Variants in NOTCH1 observed in about 807,000 individuals in gnomAD.
NOTCH1 encodes neurogenic locus notch homolog protein 1.
NOTCH1 carries 37 observed loss-of-function variants against 254.8 expected under a neutral mutation model. That is an observed-to-expected ratio of 0.15 (90% CI 0.11 to 0.19). NOTCH1 has a LOEUF of 0.19. NOTCH1 is among the 10% of genes least tolerant of loss of function. NOTCH1 has a pLI of 1.00. For missense variants in NOTCH1, 2,972 were observed against 3,708.6 expected (o/e 0.80, Z 5.16); for synonymous variants, 1,731 against 1,618.1 (o/e 1.07, Z -1.68).
At chr9:136,505,262 C>T (rs1371652503) in intron 25 of NOTCH1, 48 bp downstream of exon 25, 1 of 1,544,202 alleles carries the variant, frequency 6.5e-7, no homozygotes, top group East Asian at 2.4e-5. Context: ...AGCCAGGCCA[C>T]ATCCAAGTTC....
chr9:136,513,076 G>A lies in NOTCH1; in HGVS notation c.2412C>T (p.Gly804=), dbSNP rs1238828540. 1.2e-6 allele frequency: 2 copies of A among 1,612,210 alleles called. No individual in the cohort carries two copies. The highest frequency in any genetic ancestry group is 1.1e-5 in the South Asian group (1 of 91,064). Residue 804 remains glycine (G), a synonymous_variant, in exon 15 of 34, where the codon GGC becomes GGT. Transcript: ENST00000651671. This position sits in a 1 kb window ranked among gnomAD's most constrained non-coding sequence, Gnocchi z 4.7. The part of the protein sequence containing the change: ...ECASNPCLNQ[G]TCIDDVAGYK... ...ACCCGGCAACGTCGTCAATACACGT[G>A]CCCTGGTTCAGACATGGGTTGGACG...
intron 2 of NOTCH1, among the ~76,000 whole-genome samples, chr9:136,539,944 G>A (rs1843707818): frequency 6.6e-6 from 1 of 152,222 alleles, no homozygotes; most frequent in Non-Finnish European, 1.5e-5. Context: ...CAGTCCGCTT[G>A]TAGTCGGGAA....
chr9:136,533,592 A>G (rs1283747122), intron 2 of NOTCH1, among the ~76,000 whole-genome samples: 1 of 152,192 alleles, frequency 6.6e-6, no homozygotes, highest in African/African-American at 2.4e-5. Context: ...TGCCACGGCC[A>G]CAGCAGCCTC....
chr9:136,518,208 T>C lies in NOTCH1; in HGVS notation c.1184A>G (p.Lys395Arg). ...SNCDTNPVNG[K>R]AICTCPSGYT... ...CCCCGAGGGGCAGGTGCAGATGGCC[T>C]TGCCATTGACAGGGTTGGTGTCGCA... Residue 395 changes from lysine to arginine, a missense_variant, in exon 7 of 34, where the codon AAG becomes AGG. By Grantham distance (26) the Lys-to-Arg change is conservative (BLOSUM62 2). Around this residue, in one of 8 missense-constraint regions of NOTCH1, gnomAD observed 90 missense variants for 183.6 expected, o/e 0.49. Coordinates refer to ENST00000651671, the MANE Select transcript of NOTCH1 (RefSeq NM_017617.5). 6.2e-7 allele frequency: 1 copy of C among 1,608,116 alleles called. No homozygotes were observed. Among genetic ancestry groups the C allele is most frequent in the Non-Finnish European group, 8.5e-7 (1 of 1,177,940 alleles).
intron 2 of NOTCH1, among the ~76,000 whole-genome samples, chr9:136,526,862 G>A (rs1279820496): frequency 6.6e-6 from 1 of 152,212 alleles, no homozygotes; most frequent in Non-Finnish European, 1.5e-5. Context: ...GGCGGCAGCT[G>A]CTCCCAGCGG....
At chr9:136,543,778 G>A (rs930847096) in intron 2 of NOTCH1, 25 of 607,346 alleles carry the variant, frequency 4.1e-5, no homozygotes, top group South Asian at 2.1e-4. Context: ...TAGTGACCCC[G>A]GAGCCTGAGG....
In NOTCH1 at chr9:136,494,599, A is replaced by G. The variant is rs1439038587; in HGVS notation, c.*1472T>C. Reference sequence around the variant, plus strand: ...AGTAAAAATCAACATCTTGGGACGCATCTGGTCATGCCCCCTGGGGATGGC... The same window carrying G: ...AGTAAAAATCAACATCTTGGGACGCGTCTGGTCATGCCCCCTGGGGATGGC... On this transcript the variant is annotated 3_prime_UTR_variant, in exon 34 of 34. Coordinates refer to ENST00000651671, the MANE Select transcript of NOTCH1 (RefSeq NM_017617.5). 2.5e-6 allele frequency: 1 copy of G among 398,880 alleles called. No homozygotes were observed. The highest frequency in any genetic ancestry group is 4.4e-6 in the Non-Finnish European group (1 of 226,084). 24.7% of individuals were successfully genotyped at this position (398,880 alleles called of 1,614,324 possible).
chr9:136,528,399 GGA>G (rs1843504187), intron 2 of NOTCH1, among the ~76,000 whole-genome samples: 2 of 16,028 alleles, frequency 1.2e-4, no homozygotes, highest in East Asian at 5.9e-3. Context: ...CAGTGGGGGG[GGA>G]TGGGCAGGGA....
chr9:136,516,963 T>G (rs879689599), intron 9 of NOTCH1, among the ~76,000 whole-genome samples: 2 of 107,044 alleles, frequency 1.9e-5, no homozygotes, highest in Non-Finnish European at 4.0e-5. Flanking sequence ...GGACACAACC[T>G]ACGGCCAGGC....
At chr9:136,498,071 C>A (rs528766722) in intron 33 of NOTCH1, among the ~76,000 whole-genome samples, 1 of 152,288 alleles carries the variant, frequency 6.6e-6, no homozygotes, top group South Asian at 2.1e-4. Context: ...TGGGAAGGGG[C>A]TTCCCAGGCC....
chr9:136,529,677 C>G (rs1297468555), intron 2 of NOTCH1, among the ~76,000 whole-genome samples: 1 of 152,242 alleles, frequency 6.6e-6, no homozygotes, highest in East Asian at 1.9e-4. Context: ...AACCCCTGTT[C>G]AAACAGCTGG....
rs2133333048 is a variant in NOTCH1, at chr9:136,503,168, G to A, written c.5167+14C>T. The A allele has an allele frequency of 6.2e-7, 1 of 1,612,626 alleles. No individual in the cohort carries two copies. Among genetic ancestry groups the A allele is most frequent in the South Asian group, 1.1e-5 (1 of 91,080 alleles). ...TGCAGGCAGAGCCTGTTCCCGGGAT[G>A]GGGCCACACTTACTCTGCACGGCCT... On this transcript the variant is annotated intron_variant, in intron 27 of 33. Transcript: ENST00000651671.
At position 136,513,736 on chromosome 9, in the gene NOTCH1, G is replaced by T. The variant is rs959999405; in HGVS notation, c.2208-199C>A. On this transcript the variant is annotated intron_variant, in intron 13 of 33. Transcript: ENST00000651671. This position sits in a 1 kb window ranked among gnomAD's most constrained non-coding sequence, Gnocchi z 4.7. ...CACTTTGGGAGGCGGGGGTGGCTGAGTCACTTGAGGCCAGGAGTTCAAGAT... is the reference window on the plus strand; with the variant it reads ...CACTTTGGGAGGCGGGGGTGGCTGATTCACTTGAGGCCAGGAGTTCAAGAT... Among the ~76,000 whole-genome samples, 3 of 152,184 alleles carry T rather than the reference G, an allele frequency of 2.0e-5. No homozygotes were observed. The highest frequency in any genetic ancestry group is 4.4e-5 in the Non-Finnish European group (3 of 68,038).
intron 2 of NOTCH1, among the ~76,000 whole-genome samples, chr9:136,532,979 C>T (rs1439760815): frequency 6.6e-6 from 1 of 152,234 alleles, no homozygotes; most frequent in African/African-American, 2.4e-5. Context: ...GGGCTGCCGA[C>T]AGCCCAGCCA....
intron 31 of NOTCH1, among the ~76,000 whole-genome samples, chr9:136,500,338 G>A (rs545198189): frequency 6.8e-4 from 104 of 152,330 alleles, no homozygotes; most frequent in African/African-American, 2.4e-3. Flanking sequence ...TGCCAGACCC[G>A]CCTCTGCCTG....
intron 27 of NOTCH1, 115 bp from the exon 28 acceptor site, chr9:136,502,603 C>A (rs1843016703): frequency 1.6e-6 from 1 of 606,232 alleles, no homozygotes; most frequent in Non-Finnish European, 2.8e-6. Context: ...CTCACCCACT[C>A]TCCTCCATCC....
In NOTCH1 at chr9:136,545,648, T is replaced by G. The variant is rs1376970172; in HGVS notation, c.61+78A>C. 5.9e-6 allele frequency: 7 copies of G among 1,182,666 alleles called. No homozygotes were observed. The highest frequency in any genetic ancestry group is 7.9e-6 in the Non-Finnish European group (7 of 884,268). 73.3% of individuals were successfully genotyped at this position (1,182,666 alleles called of 1,614,324 possible). A position where few individuals can be genotyped will look rare whatever the true frequency, so the allele number is the denominator to read the frequency against. ...CCTCCCCGCCGCCCGCTCCCAGCCG[T>G]GGGGCGCGCGCGCCGGGCGCCGCCA... On this transcript the variant is annotated intron_variant, in intron 1 of 33. Coordinates refer to ENST00000651671, the MANE Select transcript of NOTCH1 (RefSeq NM_017617.5). This position sits in a 1 kb window ranked among gnomAD's most constrained non-coding sequence, Gnocchi z 6.8.
rs563810916 is a variant in NOTCH1, at chr9:136,543,961, G to C, written c.140+63C>G. ...TGGCCTAGTGTTCTGTCCCCTGCGCGGCTGCAGAAGGCAGGGGCTCTGCCC... is the reference window on the plus strand; with the variant it reads ...TGGCCTAGTGTTCTGTCCCCTGCGCCGCTGCAGAAGGCAGGGGCTCTGCCC... On this transcript the variant is annotated intron_variant, in intron 2 of 33. Coordinates refer to ENST00000651671, the MANE Select transcript of NOTCH1 (RefSeq NM_017617.5). The C allele has an allele frequency of 4.0e-5, 57 of 1,433,182 alleles. 2 individuals are homozygous for C. The South Asian group carries it at 6.0e-4, about 15-fold the overall frequency. 88.8% of individuals were successfully genotyped at this position (1,433,182 alleles called of 1,614,324 possible).
intron 2 of NOTCH1, among the ~76,000 whole-genome samples, chr9:136,542,182 C>A (rs1299180384): frequency 2.6e-5 from 4 of 152,156 alleles, no homozygotes; most frequent in Non-Finnish European, 5.9e-5. Flanking sequence ...AGTCCCAGAC[C>A]CCTGTGGGCC....
Sources: gnomAD v4.1 joint callset for allele counts (sites outside exome capture counted in the v4.1 genomes callset) on GRCh38, gnomAD v4.1.1 for gene constraint, gnomAD v4.1.1 regional missense constraint, Gnocchi (gnomAD v3.1) non-coding constraint, MANE v1.5 for transcripts, NCBI Gene and HGNC (gene_info 2026-07-23, HGNC 2026-07-21) for gene names.